Variants in SLC15A5 observed in about 807,000 individuals in gnomAD.
SLC15A5 encodes Peptide/histidine transporter ENSP00000340402.
SLC15A5 carries 58 observed loss-of-function variants against 56.1 expected under a neutral mutation model. That is an observed-to-expected ratio of 1.03 (90% CI 0.84 to 1.29). The LOEUF is 1.29. Ranked by LOEUF, SLC15A5 falls within the 50% of genes most tolerant of loss-of-function variation. The pLI, the probability that SLC15A5 is intolerant of heterozygous loss-of-function variation, is 0.00. For missense variants in SLC15A5, 681 were observed against 672.1 expected, an observed-to-expected ratio of 1.01 and a Z score of -0.15; for synonymous variants, 264 against 250.5, an observed-to-expected ratio of 1.05 and a Z score of -0.51.
chr12:16,272,800 A>T lies in SLC15A5; in HGVS notation c.362-17T>A. On this transcript the variant is annotated splice_polypyrimidine_tract_variant and intron_variant, in intron 1 of 8. Transcript: ENST00000344941. ...AAGCAGTGCCTGTAGGTGGAGAAAA[A>T]AAAAGAGTAAATGTAGCATAGAACA... 1 of 1,531,098 alleles carries T rather than the reference A, an allele frequency of 6.5e-7. No individual in the cohort carries two copies. Among genetic ancestry groups the T allele is most frequent in the African/African-American group, 1.4e-5 (1 of 72,920 alleles). The allele number at this position is 1,531,098 out of a possible 1,614,324, so 94.8% of individuals were successfully genotyped here. A position where few individuals can be genotyped will look rare whatever the true frequency, so the allele number is the denominator to read the frequency against.
intron 5 of SLC15A5, among the ~76,000 whole-genome samples, chr12:16,230,685 G>A (rs990946350): frequency 5.3e-5 from 8 of 151,328 alleles, no homozygotes; most frequent in South Asian, 4.2e-4. Context: ...AGGCCGAGGC[G>A]GGTGGATCAC....
At chr12:16,225,035 C>T (rs10734893) in intron 5 of SLC15A5, among the ~76,000 whole-genome samples, 93,093 of 151,870 alleles carry the variant, frequency 0.61, 28,831 homozygotes, top group South Asian at 0.76. Flanking sequence ...GCTTCATCCA[C>T]GTTCCTACAA....
chr12:16,244,829 A>C, intron 3 of SLC15A5, 29 bp from the exon 4 acceptor site: 2 of 1,520,914 alleles, frequency 1.3e-6, no homozygotes, highest in Non-Finnish European at 1.8e-6. Context: ...ATTATGTATT[A>C]GTATAGGAAT....
intron 5 of SLC15A5, among the ~76,000 whole-genome samples, chr12:16,231,394 G>A (rs1864296814): frequency 6.6e-6 from 1 of 152,134 alleles, no homozygotes; most frequent in African/African-American, 2.4e-5. Context: ...TGTAGAAATT[G>A]GAAAGAGAAG....
In SLC15A5 at chr12:16,238,310, G is replaced by A. The variant is rs147771561; in HGVS notation, c.1162+1371C>T. 2.6e-3 allele frequency among the ~76,000 whole-genome samples: 396 copies of A among 152,098 alleles called. 2 individuals are homozygous for A. Among genetic ancestry groups the A allele is most frequent in the African/African-American group, 1.7e-3 (69 of 41,516 alleles). ...AAAATACCTGTGACTAGAAGATTCC[G>A]CCATAGTCTCCTAAGTCTCTTAATA... On this transcript the variant is annotated intron_variant, in intron 5 of 8. Coordinates refer to ENST00000344941, the MANE Select transcript of SLC15A5 (RefSeq NM_001170798.1).
At chr12:16,268,246 A>G (rs530451114) in intron 2 of SLC15A5, among the ~76,000 whole-genome samples, 1 of 80,938 alleles carries the variant, frequency 1.2e-5, no homozygotes, top group Admixed American at 1.2e-4. Context: ...GCGTGGTGGT[A>G]TGAACCTGTA....
At chr12:16,214,009 T>C (rs1341560739) in intron 7 of SLC15A5, among the ~76,000 whole-genome samples, 3 of 152,218 alleles carry the variant, frequency 2.0e-5, no homozygotes, top group Admixed American at 6.5e-5. Flanking sequence ...TGCTTGTATA[T>C]TGAAATCAAT....
At position 16,243,748 on chromosome 12, in the gene SLC15A5, C is replaced by G. The variant is rs1350914960; in HGVS notation, c.975+832G>C. ...TTAACTGTGACCTACGGTGCCTCAC[C>G]TCTACCAAAAGAAAGTCACTTAATT... On this transcript the variant is annotated intron_variant, in intron 4 of 8. Coordinates refer to ENST00000344941, the MANE Select transcript of SLC15A5 (RefSeq NM_001170798.1). This position sits in a 1 kb window ranked among gnomAD's most constrained non-coding sequence, Gnocchi z 4.4. 6.6e-6 allele frequency among the ~76,000 whole-genome samples: 1 copy of G among 152,090 alleles called. No homozygotes were observed. Among genetic ancestry groups the G allele is most frequent in the Admixed American group, 6.6e-5 (1 of 15,258 alleles).
In SLC15A5 at chr12:16,235,284, A is replaced by ATATATG. The variant is rs566656754; in HGVS notation, c.1162+4391_1162+4396dup. Among the ~76,000 whole-genome samples the ATATATG allele has an allele frequency of 8.8e-5, 13 of 147,748 alleles. No individual in the cohort carries two copies. Among genetic ancestry groups the ATATATG allele is most frequent in the East Asian group, 1.9e-4 (1 of 5,156 alleles). ...TATATATGTATATGTATATATATGT[A>ATATATG]TATATGTATATGTATATGTATATAT... On this transcript the variant is annotated intron_variant, in intron 5 of 8. Coordinates refer to ENST00000344941, the MANE Select transcript of SLC15A5 (RefSeq NM_001170798.1). The surrounding 1 kb of genome is among the most constrained non-coding windows in gnomAD (Gnocchi z 4.1).
chr12:16,230,174 A>G (rs149588767), intron 5 of SLC15A5, among the ~76,000 whole-genome samples: 74 of 152,350 alleles, frequency 4.9e-4, no homozygotes, highest in African/African-American at 1.7e-3. Context: ...TAGAATGTTT[A>G]GAATACGGAG....
chr12:16,195,203 A>C (rs1863881959), intron 7 of SLC15A5, among the ~76,000 whole-genome samples: 1 of 151,800 alleles, frequency 6.6e-6, no homozygotes, highest in African/African-American at 2.4e-5. Flanking sequence ...CTCTATCTCT[A>C]TCTCTGTCTC....
At chr12:16,268,196 G>A (rs1237114261) in intron 2 of SLC15A5, among the ~76,000 whole-genome samples, 1 of 116,302 alleles carries the variant, frequency 8.6e-6, no homozygotes, top group East Asian at 2.7e-4. Context: ...GGGCAACATG[G>A]TGAAACCCCA....
chr12:16,216,719 C>G (rs935187220), intron 7 of SLC15A5, among the ~76,000 whole-genome samples, 174 bp downstream of exon 7: 3 of 152,076 alleles, frequency 2.0e-5, no homozygotes, highest in African/African-American at 7.2e-5. Flanking sequence ...AAACAATTCC[C>G]AGAAATTAAT....
Position 16,244,928 on chromosome 12 carries a change from G to A in SLC15A5, c.755-128C>T, listed in dbSNP as rs558957992. On this transcript the variant is annotated intron_variant, in intron 3 of 8. Transcript: ENST00000344941. Reference sequence around the variant, plus strand: ...GTGAGAAAGTTTTTAGCACCCAAGGGGTCGGACTCAAAGGACCACGCTTCT... The same window carrying A: ...GTGAGAAAGTTTTTAGCACCCAAGGAGTCGGACTCAAAGGACCACGCTTCT... 32 of 968,180 alleles carry A rather than the reference G, an allele frequency of 3.3e-5. No individual in the cohort carries two copies. The South Asian group carries it at 4.3e-4, about 13-fold the overall frequency. The allele number at this position is 968,180 out of a possible 1,614,324, so 60.0% of individuals were successfully genotyped here. A position where few individuals can be genotyped will look rare whatever the true frequency, so the allele number is the denominator to read the frequency against.
intron 7 of SLC15A5, among the ~76,000 whole-genome samples, chr12:16,201,950 C>G (rs1863961805): frequency 6.6e-6 from 1 of 152,006 alleles, no homozygotes. Context: ...CAGATACGAA[C>G]AAATAAACTC....
chr12:16,244,507 T>A, intron 4 of SLC15A5, 73 bp downstream of exon 4: 1 of 1,371,468 alleles, frequency 7.3e-7, no homozygotes, highest in Non-Finnish European at 1.0e-6. Flanking sequence ...GGGGAGAAAA[T>A]TCACCTTGAC....
intron 7 of SLC15A5, among the ~76,000 whole-genome samples, chr12:16,195,987 T>C (rs1055176984): frequency 1.3e-5 from 2 of 152,058 alleles, no homozygotes; most frequent in African/African-American, 4.8e-5. Context: ...AACGGTAAAG[T>C]GCAACTTACA....
chr12:16,252,919 C>CA (rs1353028776), intron 3 of SLC15A5, among the ~76,000 whole-genome samples: 1 of 152,024 alleles, frequency 6.6e-6, no homozygotes, highest in African/African-American at 2.4e-5. Flanking sequence ...ATTAAGAGTA[C>CA]AAGGTTCTGA....
In SLC15A5 at chr12:16,277,404, A is replaced by C. The variant is rs1214851001; in HGVS notation, c.282T>G (p.Pro94=). 1 of 1,536,448 alleles carries C rather than the reference A, an allele frequency of 6.5e-7. No homozygotes were observed. Among genetic ancestry groups the C allele is most frequent in the Non-Finnish European group, 8.7e-7 (1 of 1,146,374 alleles). The change falls in exon 1 of 9, where the codon CCT becomes CCG. Residue 94 remains proline (P), a synonymous_variant. Transcript: ENST00000344941. The part of the protein sequence containing the change: ...LCFIGTSILT[P]VFVRWLTDVY... ...CATCAGTGAGCCATCTGACAAACAC[A>C]GGGGTAAGTATTGAAGTTCCAATAA...
Sources: allele counts gnomAD v4.1 joint callset (sites outside exome capture counted in the v4.1 genomes callset), GRCh38; gene constraint gnomAD v4.1.1; non-coding constraint Gnocchi (gnomAD v3.1); transcripts MANE v1.5; gene names NCBI Gene and HGNC (gene_info 2026-07-23, HGNC 2026-07-21).